SLX4: variants seen among roughly 807,000 people sequenced by gnomAD.
The protein encoded by SLX4 is SLX4 structure-specific endonuclease subunit, also known as structure-specific endonuclease subunit SLX4.
In SLX4, 112 loss-of-function variants were observed where a neutral mutation model predicts 146.2. The observed-to-expected ratio is 0.77, with a 90% CI of 0.66 to 0.90. The LOEUF (loss-of-function observed/expected upper bound fraction) is 0.90, where lower values mean the gene tolerates loss of function less well. Ranked by LOEUF, SLX4 falls within the 40% of genes least tolerant of loss-of-function variation. The pLI, the probability that SLX4 is intolerant of heterozygous loss-of-function variation, is 0.00. For synonymous variants in SLX4, 1,061 were observed against 997.7 expected, an observed-to-expected ratio of 1.06 and a Z score of -1.20; for missense variants, 2,563 against 2,392.7, an observed-to-expected ratio of 1.07 and a Z score of -1.49.
chr16:3,601,848 G>C (rs1462048420), intron 4 of SLX4: 1 of 452,804 alleles, frequency 2.2e-6, no homozygotes, highest in Non-Finnish European at 4.1e-6. Flanking sequence ...GATTCTTTTG[G>C]GGGTGATGAA....
intron 3 of SLX4, among the ~76,000 whole-genome samples, chr16:3,604,538 C>A (rs969561643): frequency 1.2e-4 from 18 of 151,914 alleles, no homozygotes; most frequent in African/African-American, 4.4e-4. Flanking sequence ...AATATGTACG[C>A]TTGGCTAGGC....
At position 3,602,144 on chromosome 16, in the gene SLX4, C is replaced by T. The variant is rs1171865882; in HGVS notation, c.924G>A (p.Val308=). The T allele has an allele frequency of 3.7e-6, 6 of 1,614,120 alleles. No homozygotes were observed. The highest frequency in any genetic ancestry group is 1.1e-5 in the South Asian group (1 of 91,044). The change falls in exon 4 of 15, where the codon GTG becomes GTA. Residue 308 remains valine (V), a synonymous_variant. Coordinates refer to ENST00000294008, the MANE Select transcript of SLX4 (RefSeq NM_032444.4). ...TGTTCACATGCTGTTCCCTTCGGGT[C>T]ACGTTCATGGCTGAGAGGTTCTTTT... The part of the protein sequence containing the change: ...ICQKNLSAMN[V]TRREQHVNRC...
At chr16:3,584,224 C>T (rs756724032) in intron 13 of SLX4, among the ~76,000 whole-genome samples, 2 of 152,178 alleles carry the variant, frequency 1.3e-5, no homozygotes, top group Non-Finnish European at 2.9e-5. Context: ...AGTTCGAGAC[C>T]AGCCTGGCCA....
Position 3,596,364 on chromosome 16 carries a change from C to G in SLX4, c.1713G>C (p.Leu571=). 1 of 1,597,114 alleles carries G rather than the reference C, an allele frequency of 6.3e-7. No individual in the cohort carries two copies. Residue 571 remains leucine, a synonymous_variant, in exon 8 of 15, where the codon CTG becomes CTC. Transcript: ENST00000294008. The part of the protein sequence containing the change: ...QGLMQEPVPP[L]VPPEHSELSE... ...TCAGCTCTGAGTGCTCAGGTGGCAC[C>G]AGAGGCGGCACGGGCTCCTGCATAA...
chr16:3,601,968 C>G, intron 4 of SLX4, 150 bp downstream of exon 4: 1 of 844,000 alleles, frequency 1.2e-6, no homozygotes, highest in Non-Finnish European at 1.9e-6. Flanking sequence ...AATTGTATCT[C>G]AACGAAGTTA....
rs1485837631 is a variant in SLX4 at position 3,608,780 on chromosome 16, A to T, written c.185T>A (p.Val62Glu). 6.2e-7 allele frequency: 1 copy of T among 1,613,560 alleles called. No homozygotes were observed. Among genetic ancestry groups the T allele is most frequent in the South Asian group, 1.1e-5 (1 of 91,058 alleles). ...KELCASFFQR[V>E]KKHGIKEVSG... ...CACTTCCTTGATTCCATGTTTTTTC[A>T]CCCTTTGGAAAAAGCTAGCGCAGAG... The change falls in exon 2 of 15, where the codon GTG (valine) becomes GAG (glutamate). Residue 62 changes from valine (V) to glutamate (E), a missense_variant. Physicochemically the swap from Val to Glu is moderately radical, Grantham distance 121 (BLOSUM62 -2). Transcript: ENST00000294008.
Position 3,589,317 on chromosome 16 carries a change from A to C in SLX4, c.4321T>G (p.Trp1441Gly). 6.3e-7 allele frequency: 1 copy of C among 1,579,932 alleles called. No homozygotes were observed. The highest frequency in any genetic ancestry group is 8.6e-7 in the Non-Finnish European group (1 of 1,161,966). The change falls in exon 12 of 15, where the codon TGG becomes GGG. Residue 1441 changes from tryptophan to glycine, a missense_variant. Coordinates refer to ENST00000294008, the MANE Select transcript of SLX4 (RefSeq NM_032444.4). This position sits in a 1 kb window ranked among gnomAD's most constrained non-coding sequence, Gnocchi z 6.2. Reference sequence around the variant, plus strand: ...AGGGGGCCGGTCCGCTCCAGGTTCCAGTGGTCAATGGGAATTGGCGAGAGG... The same window carrying C: ...AGGGGGCCGGTCCGCTCCAGGTTCCCGTGGTCAATGGGAATTGGCGAGAGG... ...EPLSPIPIDH[W>G]NLERTGPLST...
Position 3,589,154 on chromosome 16 carries a change from G to A in SLX4, c.4484C>T (p.Ala1495Val), listed in dbSNP as rs777033175. ...QRKLQEKSSG[A>V]GSLGNSRPSF... is the part of the protein sequence containing the mutation. ...CGGCCTGCTATTCCCCAGGGAGCCCGCGCCCGAGGACTTCTCTTGCAATTT... is the reference window on the plus strand; with the variant it reads ...CGGCCTGCTATTCCCCAGGGAGCCCACGCCCGAGGACTTCTCTTGCAATTT... Residue 1495 changes from alanine to valine, a missense_variant, in exon 12 of 15, where the codon GCG becomes GTG. Physicochemically the swap from Ala to Val is moderately conservative, Grantham distance 64 (BLOSUM62 0). Coordinates refer to ENST00000294008, the MANE Select transcript of SLX4 (RefSeq NM_032444.4). The surrounding 1 kb of genome is among the most constrained non-coding windows in gnomAD (Gnocchi z 6.2). 42 of 1,613,916 alleles carry A rather than the reference G, an allele frequency of 2.6e-5. No individual in the cohort carries two copies. Among genetic ancestry groups the A allele is most frequent in the South Asian group, 2.3e-4 (21 of 91,090 alleles).
chr16:3,589,849 G>A lies in SLX4; in HGVS notation c.3789C>T (p.Ala1263=). 1 of 1,613,438 alleles carries A rather than the reference G, an allele frequency of 6.2e-7. No homozygotes were observed. The highest frequency in any genetic ancestry group is 8.5e-7 in the Non-Finnish European group (1 of 1,180,026). ...TSWLVPATPL[A]SRSRDCSSQT... is the part of the protein sequence containing the mutation. ...GGGAAGAACAGTCACGGCTTCTGCT[G>A]GCCAGCGGGGTGGCGGGCACCAGCC... Residue 1263 remains alanine (A), a synonymous_variant, in exon 12 of 15, where the codon GCC becomes GCT. Transcript: ENST00000294008. The surrounding 1 kb of genome is among the most constrained non-coding windows in gnomAD (Gnocchi z 6.2).
chr16:3,599,011 T>A (rs944053195), intron 5 of SLX4, among the ~76,000 whole-genome samples: 7 of 152,232 alleles, frequency 4.6e-5, no homozygotes, highest in Non-Finnish European at 1.0e-4. Context: ...AGTTTTCTAC[T>A]CTGACAACCT....
At position 3,589,477 on chromosome 16, in the gene SLX4, G is replaced by A. The variant is rs1326169521; in HGVS notation, c.4161C>T (p.Thr1387=). The A allele has an allele frequency of 1.2e-6, 2 of 1,609,438 alleles. No individual in the cohort carries two copies. The highest frequency in any genetic ancestry group is 8.5e-7 in the Non-Finnish European group (1 of 1,176,554). ...CGACTTCCACCACTTCACCCGCTGG[G>A]GTCTGGTTCAGGAAGCTTGGCCCAG... ...SPPGPSFLNQ[T]PAGEVVEVGD... The change falls in exon 12 of 15, where the codon ACC becomes ACT. Residue 1387 remains threonine, a synonymous_variant. Transcript: ENST00000294008. This position sits in a 1 kb window ranked among gnomAD's most constrained non-coding sequence, Gnocchi z 6.2.
intron 12 of SLX4, among the ~76,000 whole-genome samples, chr16:3,586,121 T>C (rs991943832): frequency 2.6e-5 from 4 of 152,218 alleles, no homozygotes; most frequent in Non-Finnish European, 5.9e-5. Flanking sequence ...AGTTGCCATA[T>C]GACCCAGCAA....
chr16:3,588,013 T>C (rs139899392), intron 12 of SLX4, among the ~76,000 whole-genome samples: 366 of 152,268 alleles, frequency 2.4e-3, no homozygotes, highest in African/African-American at 8.4e-3. Flanking sequence ...GTGGCATCCC[T>C]GCACCTGGGA....
Position 3,582,094 on chromosome 16 carries a change from A to G in SLX4, c.*248T>C, listed in dbSNP as rs1387818863. The G allele has an allele frequency of 3.5e-6, 2 of 578,206 alleles. No individual in the cohort carries two copies. The highest frequency in any genetic ancestry group is 2.1e-5 in the South Asian group (1 of 46,574). The allele number at this position is 578,206 out of a possible 1,614,324, so 35.8% of individuals were successfully genotyped here. Reference sequence around the variant, plus strand: ...AGGGAGACACACTGTGAGCACGGACAGAGGAAGGGGCTGGAGTCTGTAAAT... The same window carrying G: ...AGGGAGACACACTGTGAGCACGGACGGAGGAAGGGGCTGGAGTCTGTAAAT... On this transcript the variant is annotated 3_prime_UTR_variant, in exon 15 of 15. Coordinates refer to ENST00000294008, the MANE Select transcript of SLX4 (RefSeq NM_032444.4).
rs753015235 is a variant in SLX4 at position 3,608,545 on chromosome 16, C to T, written c.420G>A (p.Glu140=). 4 of 1,614,070 alleles carry T rather than the reference C, an allele frequency of 2.5e-6. No individual in the cohort carries two copies. Among genetic ancestry groups the T allele is most frequent in the African/African-American group, 1.3e-5 (1 of 74,916 alleles). Residue 140 remains glutamate, a synonymous_variant, in exon 2 of 15, where the codon GAG becomes GAA. Transcript: ENST00000294008. ...CTGGAGCAGAGGCAAGCACACCCCC[C>T]TCCCCATTCACAGAGTGGGCCGGTT... The part of the protein sequence containing the change: ...ASEPAHSVNG[E]GGVLASAPDP...
rs966498289 is a variant in SLX4 at position 3,595,464 on chromosome 16, G to T, written c.2013+141C>A. The T allele has an allele frequency of 3.3e-6, 3 of 897,868 alleles. No homozygotes were observed. The African/African-American group carries it at 4.9e-5, about 15-fold the overall frequency. The allele number at this position is 897,868 out of a possible 1,614,324, so 55.6% of individuals were successfully genotyped here. On this transcript the variant is annotated intron_variant, in intron 9 of 14. Coordinates refer to ENST00000294008, the MANE Select transcript of SLX4 (RefSeq NM_032444.4). ...CTCTGCTCACGGATGTCAGGATGTG[G>T]CAGCCTTCTGGAAAGCAGAGGCCTT...
Position 3,590,555 on chromosome 16 carries a change from G to C in SLX4, c.3083C>G (p.Ser1028Cys), listed in dbSNP as rs2151124383. 6.2e-7 allele frequency: 1 copy of C among 1,612,442 alleles called. No homozygotes were observed. The highest frequency in any genetic ancestry group is 8.5e-7 in the Non-Finnish European group (1 of 1,178,554). Residue 1028 changes from serine (S) to cysteine (C), a missense_variant, in exon 12 of 15, where the codon TCT (serine) becomes TGT (cysteine). By Grantham distance (112) the Ser-to-Cys change is moderately radical (BLOSUM62 -1). Transcript: ENST00000294008. This position sits in a 1 kb window ranked among gnomAD's most constrained non-coding sequence, Gnocchi z 4.8. Reference protein sequence around the residue: ...VSHRLAPWQASPPHPCRFLLG... With the variant: ...VSHRLAPWQACPPHPCRFLLG... ...TAGGAAGCGGCACGGGTGCGGTGGA[G>C]ATGCCTGCCAGGGAGCCAGGCGATG...
intron 5 of SLX4, among the ~76,000 whole-genome samples, chr16:3,599,557 C>T (rs1301812228): frequency 6.6e-6 from 1 of 152,210 alleles, no homozygotes; most frequent in Non-Finnish European, 1.5e-5. Context: ...AAATAGGGTC[C>T]TACACTTCTG....
rs145345695 is a variant in SLX4 at position 3,608,772 on chromosome 16, G to A, written c.193C>T (p.His65Tyr). ...TCTCCTGACACTTCCTTGATTCCAT[G>A]TTTTTTCACCCTTTGGAAAAAGCTA... Reference protein sequence around the residue: ...CASFFQRVKKHGIKEVSGERK... With the variant: ...CASFFQRVKKYGIKEVSGERK... Residue 65 changes from histidine (H) to tyrosine (Y), a missense_variant, in exon 2 of 15, where the codon CAT (histidine) becomes TAT (tyrosine). Coordinates refer to ENST00000294008, the MANE Select transcript of SLX4 (RefSeq NM_032444.4). 4 of 1,614,102 alleles carry A rather than the reference G, an allele frequency of 2.5e-6. No individual in the cohort carries two copies. Among genetic ancestry groups the A allele is most frequent in the Non-Finnish European group, 3.4e-6 (4 of 1,180,030 alleles).
Sources: allele counts gnomAD v4.1 joint callset (sites outside exome capture counted in the v4.1 genomes callset), GRCh38; gene constraint gnomAD v4.1.1; non-coding constraint Gnocchi (gnomAD v3.1); transcripts MANE v1.5; gene names NCBI Gene and HGNC (gene_info 2026-07-23, HGNC 2026-07-21).